Variants in AK2 observed in about 807,000 individuals in gnomAD.
AK2 encodes adenylate kinase 2, mitochondrial.
A neutral mutation model predicts 24.6 loss-of-function variants in AK2; 15 were observed. That is an observed-to-expected ratio of 0.61 (90% confidence interval 0.41 to 0.94). The LOEUF (loss-of-function observed/expected upper bound fraction) is 0.94, where lower values mean the gene tolerates loss of function less well. Ranked by LOEUF, AK2 falls within the 40% of genes least tolerant of loss-of-function variation. The pLI, the probability that AK2 is intolerant of heterozygous loss-of-function variation, is 0.00. For missense variants in AK2, 257 were observed against 304.1 expected, an observed-to-expected ratio of 0.85 and a Z score of 1.15; for synonymous variants, 102 against 114.0, an observed-to-expected ratio of 0.90 and a Z score of 0.67.
At chr1:33,024,689 C>T in intron 1 of AK2, 122 bp from the exon 2 acceptor site, 1 of 1,213,522 alleles carries the variant, frequency 8.2e-7, no homozygotes, top group Non-Finnish European at 1.2e-6. Context: ...ATGCCTACTT[C>T]CTTACCTGTA....
rs776917268 is a variant in AK2, at chr1:33,013,026, T to C, written c.*155A>G. On this transcript the variant is annotated 3_prime_UTR_variant, in exon 6 of 6. Coordinates refer to ENST00000672715, the MANE Select transcript of AK2 (RefSeq NM_001625.4). ...CAACACACATACACACAGATGAGAG[T>C]AGCACACACGCCAAAGATACATCAA... The C allele has an allele frequency of 2.2e-5, 35 of 1,596,384 alleles. No individual in the cohort carries two copies. Among genetic ancestry groups the C allele is most frequent in the Non-Finnish European group, 2.7e-5 (32 of 1,178,204 alleles).
rs1638855556 is a variant in AK2, at chr1:33,012,076, T to C, written c.*1105A>G. On this transcript the variant is annotated 3_prime_UTR_variant, in exon 6 of 6. Coordinates refer to ENST00000672715, the MANE Select transcript of AK2 (RefSeq NM_001625.4). ...AAAATAAAAGCAAATAAACCTACCCTGGTCTCTTTTTGGGGAAGTAGATTT... is the reference window on the plus strand; with the variant it reads ...AAAATAAAAGCAAATAAACCTACCCCGGTCTCTTTTTGGGGAAGTAGATTT... 1.3e-6 allele frequency: 2 copies of C among 1,535,466 alleles called. No individual in the cohort carries two copies. Among genetic ancestry groups the C allele is most frequent in the East Asian group, 4.9e-5 (2 of 40,914 alleles).
intron 1 of AK2, among the ~76,000 whole-genome samples, chr1:33,027,677 G>A (rs1213970193): frequency 2.0e-5 from 3 of 151,660 alleles, no homozygotes; most frequent in Non-Finnish European, 4.4e-5. Context: ...AACCCGTGAG[G>A]TGGAGGTTGC....
intron 1 of AK2, among the ~76,000 whole-genome samples, chr1:33,036,132 C>T (rs1640565306): frequency 6.6e-6 from 1 of 152,038 alleles, no homozygotes; most frequent in Non-Finnish European, 1.5e-5. Context: ...TCATGGGTCT[C>T]CAGGCTATAA....
intron 4 of AK2, among the ~76,000 whole-genome samples, chr1:33,020,500 T>C (rs1341469248): frequency 6.6e-6 from 1 of 152,068 alleles, no homozygotes; most frequent in African/African-American, 2.4e-5. Flanking sequence ...CTTCTACATA[T>C]AAGGAAACAG....
intron 1 of AK2, among the ~76,000 whole-genome samples, chr1:33,025,183 C>G (rs1379778551): frequency 8.5e-6 from 1 of 117,596 alleles, no homozygotes; most frequent in Non-Finnish European, 1.7e-5. Flanking sequence ...AGTGAGACTT[C>G]GTCTCAAAAA....
Position 33,024,583 on chromosome 1 carries a change from CA to C in AK2, c.94-17del. Reference sequence around the variant, plus strand: ...ATCTGGGTGCCTACAGAGAGGAAGACAAAAACCAAGATTCAATTACATTACA... The same window carrying C: ...ATCTGGGTGCCTACAGAGAGGAAGACAAAACCAAGATTCAATTACATTACA... On this transcript the variant is annotated splice_polypyrimidine_tract_variant and intron_variant, in intron 1 of 5. Coordinates refer to ENST00000672715, the MANE Select transcript of AK2 (RefSeq NM_001625.4). The C allele has an allele frequency of 6.2e-7, 1 of 1,614,124 alleles. No homozygotes were observed. The highest frequency in any genetic ancestry group is 1.7e-5 in the Admixed American group (1 of 60,016).
Position 33,008,014 on chromosome 1 carries a change from A to C in AK2, c.*5167T>G, listed in dbSNP as rs147583239. ...CACAGCTAAGAATTTAATATGTTAG[A>C]CTATTATTAATTATGAAAACACATA... is the stretch of plus-strand genomic sequence containing the variant. On this transcript the variant is annotated 3_prime_UTR_variant, in exon 6 of 6. Coordinates refer to ENST00000672715, the MANE Select transcript of AK2 (RefSeq NM_001625.4). 219 of 454,066 alleles carry C rather than the reference A, an allele frequency of 4.8e-4. 6 individuals are homozygous for C. The East Asian group carries it at 0.012, about 25-fold the overall frequency. The allele number at this position is 454,066 out of a possible 1,614,324, so 28.1% of individuals were successfully genotyped here. A position where few individuals can be genotyped will look rare whatever the true frequency, so the allele number is the denominator to read the frequency against.
chr1:33,012,118 T>C lies in AK2; in HGVS notation c.*1063A>G. On this transcript the variant is annotated 3_prime_UTR_variant, in exon 6 of 6. Coordinates refer to ENST00000672715, the MANE Select transcript of AK2 (RefSeq NM_001625.4). The stretch of plus-strand genomic sequence containing the variant: ...AGTAGATTTGACTGCTCTCAGATGA[T>C]CAGCCTGGATGTTCAGAAGACAATC... 6.5e-7 allele frequency: 1 copy of C among 1,535,482 alleles called. No homozygotes were observed. The highest frequency in any genetic ancestry group is 8.7e-7 in the Non-Finnish European group (1 of 1,146,736).
Position 33,022,094 on chromosome 1 carries a change from A to G in AK2, c.220-391T>C, listed in dbSNP as rs563406012. ...AGCTTATCAGCAATCAGTGATCCTC[A>G]AGGCACAGGAAATGTGAGGACAAAT... On this transcript the variant is annotated intron_variant, in intron 2 of 5. Transcript: ENST00000672715. Among the ~76,000 whole-genome samples, 5 of 152,296 alleles carry G rather than the reference A, an allele frequency of 3.3e-5. No homozygotes were observed. In the East Asian group the frequency reaches 9.6e-4, roughly 29 times the overall value.
Position 33,013,158 on chromosome 1 carries a change from G to T in AK2, c.*23C>A, listed in dbSNP as rs760411755. 1.2e-6 allele frequency: 2 copies of T among 1,614,150 alleles called. No individual in the cohort carries two copies. ...ACCCATTGCCTCACAGGGATGGAAA[G>T]AAATTCCTTCTTGGACCCAACATTA... On this transcript the variant is annotated 3_prime_UTR_variant, in exon 6 of 6. Coordinates refer to ENST00000672715, the MANE Select transcript of AK2 (RefSeq NM_001625.4).
Position 33,012,024 on chromosome 1 carries a change from C to A in AK2, c.*1157G>T. 3 of 1,535,338 alleles carry A rather than the reference C, an allele frequency of 2.0e-6. No homozygotes were observed. In the South Asian group the frequency reaches 3.6e-5, roughly 18 times the overall value. Reference sequence around the variant, plus strand: ...AGAATAGATCACACACTGTTTTGTTCACACTTGGAAACACAGGCAAACATT... The same window carrying A: ...AGAATAGATCACACACTGTTTTGTTAACACTTGGAAACACAGGCAAACATT... On this transcript the variant is annotated 3_prime_UTR_variant, in exon 6 of 6. Transcript: ENST00000672715.
At chr1:33,034,613 G>A (rs896671153) in intron 1 of AK2, among the ~76,000 whole-genome samples, 2 of 152,114 alleles carry the variant, frequency 1.3e-5, no homozygotes, top group African/African-American at 4.8e-5. Context: ...GAGCAAGGTA[G>A]GTATTATCCC....
At chr1:33,015,865 T>C (rs1639151419) in intron 4 of AK2, among the ~76,000 whole-genome samples, 1 of 152,158 alleles carries the variant, frequency 6.6e-6, no homozygotes, top group Admixed American at 6.5e-5. Flanking sequence ...CCAGCCTGAG[T>C]GACAGAGCAA....
At position 33,013,119 on chromosome 1, in the gene AK2, G is replaced by C. The variant is rs778158669; in HGVS notation, c.*62C>G. The stretch of plus-strand genomic sequence containing the variant: ...AGCCTGAGGAAGCTTCTCTTTGCCT[G>C]TCCTATCATTCCCACCCATTGCCTC... On this transcript the variant is annotated 3_prime_UTR_variant, in exon 6 of 6. Transcript: ENST00000672715. 1.2e-5 allele frequency: 19 copies of C among 1,613,394 alleles called. No individual in the cohort carries two copies. The African/African-American group carries it at 2.4e-4, about 20-fold the overall frequency.
rs200137098 is a variant in AK2 at position 33,010,794 on chromosome 1, T to C, written c.*2387A>G. 2.6e-4 allele frequency: 423 copies of C among 1,614,174 alleles called. No individual in the cohort carries two copies. Among genetic ancestry groups the C allele is most frequent in the Non-Finnish European group, 3.2e-4 (376 of 1,180,060 alleles). On this transcript the variant is annotated 3_prime_UTR_variant, in exon 6 of 6. Transcript: ENST00000672715. ...GAGCAGGGATCACGCCGCGGGGTGATGAGCAGTGTTGCAGTCTCGCCTGGC... is the reference window on the plus strand; with the variant it reads ...GAGCAGGGATCACGCCGCGGGGTGACGAGCAGTGTTGCAGTCTCGCCTGGC...
At chr1:33,020,636 G>C (rs1253480698) in intron 4 of AK2, among the ~76,000 whole-genome samples, 1 of 151,760 alleles carries the variant, frequency 6.6e-6, no homozygotes, top group African/African-American at 2.4e-5. Context: ...CTTGAGGTCA[G>C]AAGTTTGAGA....
rs1337281585 is a variant in AK2, at chr1:33,009,406, G to A, written c.*3775C>T. On this transcript the variant is annotated 3_prime_UTR_variant, in exon 6 of 6. Transcript: ENST00000672715. ...AAGGTAGTCAAAGATCTGGCTTAAG[G>A]ATTAGAAGCACTGGCTTTCTAGACT... is the stretch of plus-strand genomic sequence containing the variant. 2.2e-6 allele frequency: 1 copy of A among 453,984 alleles called. No individual in the cohort carries two copies. The highest frequency in any genetic ancestry group is 2.0e-5 in the African/African-American group (1 of 49,990). 28.1% of individuals were successfully genotyped at this position (453,984 alleles called of 1,614,324 possible).
At chr1:33,023,681 A>G (rs546222495) in intron 2 of AK2, among the ~76,000 whole-genome samples, 13 of 152,316 alleles carry the variant, frequency 8.5e-5, no homozygotes, top group African/African-American at 3.1e-4. Flanking sequence ...AGAGCCATAA[A>G]GCAGGTTAAA....
Sources: gnomAD v4.1 joint callset for allele counts (sites outside exome capture counted in the v4.1 genomes callset) on GRCh38, gnomAD v4.1.1 for gene constraint, MANE v1.5 for transcripts, NCBI Gene and HGNC (gene_info 2026-07-23, HGNC 2026-07-21) for gene names.